The following PDE8B variants were observed in gnomAD, a reference collection of about 807,000 sequenced individuals.
PDE8B encodes phosphodiesterase 8B, also known as high affinity cAMP-specific and IBMX-insensitive 3',5'-cyclic phosphodiesterase 8B.
In PDE8B, 26 loss-of-function variants were observed where a neutral mutation model predicts 101.3. The observed-to-expected ratio is 0.26, with a 90% confidence interval of 0.19 to 0.36. The LOEUF (loss-of-function observed/expected upper bound fraction) is 0.36. Ranked by LOEUF, PDE8B falls within the 10% of genes least tolerant of loss-of-function variation. PDE8B has a pLI of 1.00. For missense variants in PDE8B, 810 were observed against 1,163.1 expected (o/e 0.70, Z 4.42); for synonymous variants, 424 against 429.3 (o/e 0.99, Z 0.15).
At chr5:77,376,761 A>G (rs1786215434) in intron 10 of PDE8B, among the ~76,000 whole-genome samples, 1 of 152,162 alleles carries the variant, frequency 6.6e-6, no homozygotes, top group Admixed American at 6.5e-5. Context: ...CCTCTGCACT[A>G]GCTCTCAAGG....
At chr5:77,107,535 A>G in the PDE8B span, among the ~76,000 whole-genome samples, 1 of 151,988 alleles carries the variant, frequency 6.6e-6, no homozygotes, top group African/African-American at 2.4e-5. Flanking sequence ...CTTTTTTGCA[A>G]TGGTTAGAAC....
the PDE8B span, among the ~76,000 whole-genome samples, chr5:77,094,665 T>G: frequency 1.3e-5 from 2 of 152,182 alleles, no homozygotes; most frequent in Non-Finnish European, 2.9e-5. Flanking sequence ...GGAGGTTTAT[T>G]TGACTCTCAG....
chr5:77,398,208 T>A (rs1791476301), intron 10 of PDE8B, among the ~76,000 whole-genome samples: 1 of 151,036 alleles, frequency 6.6e-6, no homozygotes, highest in African/African-American at 2.4e-5. Context: ...AATACATATG[T>A]AAACATATAC....
At position 77,221,911 on chromosome 5, in the gene PDE8B, A is replaced by G. The variant is rs545741951; in HGVS notation, c.339+10647A>G. Reference sequence around the variant, plus strand: ...TTGAGTGTGTCCTTATTCGAAACTCATTGTTTGTAGATGGGGACTCCACTG... The same window carrying G: ...TTGAGTGTGTCCTTATTCGAAACTCGTTGTTTGTAGATGGGGACTCCACTG... On this transcript the variant is annotated intron_variant, in intron 1 of 21. Coordinates refer to ENST00000264917, the MANE Select transcript of PDE8B (RefSeq NM_003719.5). Among the ~76,000 whole-genome samples the G allele has an allele frequency of 1.2e-4, 19 of 152,288 alleles. No homozygotes were observed. The Middle Eastern group carries it at 0.01, about 82-fold the overall frequency.
the PDE8B span, among the ~76,000 whole-genome samples, chr5:77,124,498 G>A: frequency 1.3e-5 from 2 of 151,890 alleles, no homozygotes; most frequent in African/African-American, 4.8e-5. Context: ...ATGATGGGAG[G>A]ATCGCCTGAG....
chr5:77,107,874 T>C, the PDE8B span, among the ~76,000 whole-genome samples: 2 of 152,196 alleles, frequency 1.3e-5, no homozygotes, highest in Admixed American at 1.3e-4. Flanking sequence ...TTGTATTCTA[T>C]ATGGAAGTTA....
chr5:77,145,176 A>T, the PDE8B span: 1 of 152,170 alleles, frequency 6.6e-6, no homozygotes, highest in Non-Finnish European at 1.5e-5. Flanking sequence ...AAAAGCAGAA[A>T]CACACAAATG....
chr5:77,239,395 T>A (rs1276780472), intron 1 of PDE8B, among the ~76,000 whole-genome samples: 1 of 152,228 alleles, frequency 6.6e-6, no homozygotes, highest in Non-Finnish European at 1.5e-5. Context: ...AATGTGCTTT[T>A]TAGTGTTAGA....
At chr5:77,241,910 G>C (rs1003587339) in intron 1 of PDE8B, among the ~76,000 whole-genome samples, 2 of 152,150 alleles carry the variant, frequency 1.3e-5, no homozygotes, top group Admixed American at 1.3e-4. Context: ...AAAATCCACT[G>C]CCTTGCCCAC....
chr5:77,232,958 A>T (rs1318623960), intron 1 of PDE8B, among the ~76,000 whole-genome samples: 1 of 152,208 alleles, frequency 6.6e-6, no homozygotes, highest in Non-Finnish European at 1.5e-5. Context: ...TTTGAATTGG[A>T]AGATGTCACA....
At position 77,242,319 on chromosome 5, in the gene PDE8B, A is replaced by C. The variant is rs187946101; in HGVS notation, c.339+31055A>C. ...AGGCACAGGAAAAGAAAGGTGGCCAAATATCAGTAGCAAACGTGCTTAAAG... is the reference window on the plus strand; with the variant it reads ...AGGCACAGGAAAAGAAAGGTGGCCACATATCAGTAGCAAACGTGCTTAAAG... On this transcript the variant is annotated intron_variant, in intron 1 of 21. Transcript: ENST00000264917. 3.3e-5 allele frequency among the ~76,000 whole-genome samples: 5 copies of C among 152,350 alleles called. No homozygotes were observed. The East Asian group carries it at 9.6e-4, about 29-fold the overall frequency.
chr5:77,252,393 T>C (rs1343201213), intron 1 of PDE8B, among the ~76,000 whole-genome samples: 1 of 152,254 alleles, frequency 6.6e-6, no homozygotes, highest in East Asian at 1.9e-4. Context: ...TTTACCCAAG[T>C]AGGTTCTCAG....
intron 1 of PDE8B, among the ~76,000 whole-genome samples, chr5:77,272,868 G>A (rs1308787873): frequency 6.6e-6 from 1 of 152,112 alleles, no homozygotes; most frequent in African/African-American, 2.4e-5. Flanking sequence ...GCAAGAGAGA[G>A]GCAGTAGAAA....
the PDE8B span, among the ~76,000 whole-genome samples, chr5:77,149,910 C>T: frequency 6.6e-6 from 1 of 152,086 alleles, no homozygotes; most frequent in Admixed American, 6.5e-5. Context: ...TTATTACTGA[C>T]CATCACAGTT....
chr5:77,351,101 G>A lies in PDE8B; in HGVS notation c.1054G>A (p.Gly352Arg), dbSNP rs1210912764. The A allele has an allele frequency of 3.1e-6, 5 of 1,613,960 alleles. No homozygotes were observed. The Admixed American group carries it at 5.0e-5, about 16-fold the overall frequency. Residue 352 changes from glycine (G) to arginine (R), a missense_variant, in exon 9 of 22, where the codon GGG becomes AGG. Transcript: ENST00000264917. The stretch of plus-strand genomic sequence containing the variant: ...GGTTTACTATGCCAGACGGAAATCC[G>A]GGGACAGCATCCAACAGCACGTGAA... ...QGVYYARRKS[G>R]DSIQQHVKIT...
intron 14 of PDE8B, among the ~76,000 whole-genome samples, chr5:77,409,589 C>A (rs1487406911): frequency 6.6e-6 from 1 of 152,158 alleles, no homozygotes; most frequent in South Asian, 2.1e-4. Flanking sequence ...GAACCTCTCA[C>A]TGCCACATTC....
At chr5:77,273,770 G>GA (rs534106132) in intron 1 of PDE8B, among the ~76,000 whole-genome samples, 1 of 151,636 alleles carries the variant, frequency 6.6e-6, no homozygotes, top group African/African-American at 2.4e-5. Context: ...ACACAATGGT[G>GA]AAAAGAGAGA....
chr5:77,189,551 T>C, the PDE8B span, among the ~76,000 whole-genome samples: 1 of 152,096 alleles, frequency 6.6e-6, no homozygotes, highest in East Asian at 1.9e-4. Flanking sequence ...GGGAGTGATA[T>C]TTGTGAAATT....
intron 6 of PDE8B, among the ~76,000 whole-genome samples, chr5:77,341,857 A>C (rs1183724409): frequency 6.6e-6 from 1 of 152,232 alleles, no homozygotes; most frequent in Admixed American, 6.5e-5. Flanking sequence ...GACAGTATAC[A>C]GTTCAAATTA....
Sources: allele counts gnomAD v4.1 joint callset (sites outside exome capture counted in the v4.1 genomes callset), GRCh38; gene constraint gnomAD v4.1.1; transcripts MANE v1.5; gene names NCBI Gene and HGNC (gene_info 2026-07-23, HGNC 2026-07-21).